ABCC9: variants seen among roughly 807,000 people sequenced by gnomAD.
ABCC9 encodes ATP-binding cassette sub-family C member 9.
ABCC9 carries 95 observed loss-of-function variants against 188.3 expected under a neutral mutation model. That is an observed-to-expected ratio of 0.50 (90% confidence interval 0.43 to 0.60). The LOEUF is 0.60. Among genes scored for constraint, ABCC9 ranks in the 20% least tolerant of loss-of-function variants. The probability of loss-of-function intolerance (pLI) is 0.00; values close to 1 mark genes in which losing one functional copy is unlikely to be tolerated. For synonymous variants in ABCC9, 659 were observed against 652.7 expected (o/e 1.01, Z -0.15); for missense variants, 1,102 against 1,876.3 (o/e 0.59, Z 7.62).
intron 15 of ABCC9, among the ~76,000 whole-genome samples, chr12:21,884,999 G>A (rs965964797): frequency 6.6e-6 from 1 of 152,070 alleles, no homozygotes; most frequent in African/African-American, 2.4e-5. Context: ...GCCCCCACAG[G>A]TCCAAAAGAA....
chr12:21,837,954 G>T, intron 30 of ABCC9, 124 bp downstream of exon 30: 2 of 844,676 alleles, frequency 2.4e-6, no homozygotes, highest in Non-Finnish European at 3.9e-6. Flanking sequence ...TCTTGGTTTA[G>T]TACACCATCA....
chr12:21,882,919 A>C (rs1167589108), intron 15 of ABCC9, 46 bp from the exon 16 acceptor site: 2 of 1,508,868 alleles, frequency 1.3e-6, no homozygotes, highest in African/African-American at 2.7e-5. Context: ...TTTATTAAAA[A>C]AATGAAGTTT....
chr12:21,817,053 C>T, intron 33 of ABCC9, 134 bp downstream of exon 33: 1 of 1,000,044 alleles, frequency 1.0e-6, no homozygotes. Flanking sequence ...CATAATCAAG[C>T]AAAGCCAAGA....
At chr12:21,933,673 C>CA in intron 4 of ABCC9, 109 bp downstream of exon 4, 1 of 1,349,894 alleles carries the variant, frequency 7.4e-7, no homozygotes, top group Non-Finnish European at 1.0e-6. Flanking sequence ...GATCAGAGAG[C>CA]AAAAAATATA....
At chr12:21,832,301 AGC>A (rs1018843982) in intron 30 of ABCC9, among the ~76,000 whole-genome samples, 2 of 152,310 alleles carry the variant, frequency 1.3e-5, no homozygotes, top group Admixed American at 6.5e-5. Flanking sequence ...GGGGAGGAAA[AGC>A]AGCCTCATCA....
At chr12:21,910,597 A>G (rs558649501) in intron 9 of ABCC9, among the ~76,000 whole-genome samples, 10 of 152,074 alleles carry the variant, frequency 6.6e-5, no homozygotes, top group Non-Finnish European at 1.3e-4. Context: ...AGATAAATAA[A>G]TGTAAGATTT....
intron 12 of ABCC9, among the ~76,000 whole-genome samples, chr12:21,903,087 A>G (rs1178298675): frequency 6.6e-6 from 1 of 152,180 alleles, no homozygotes; most frequent in African/African-American, 2.4e-5. Context: ...CAAAAATCTT[A>G]TCCACCATGA....
At chr12:21,831,821 G>C (rs1943775362) in intron 30 of ABCC9, among the ~76,000 whole-genome samples, 1 of 152,168 alleles carries the variant, frequency 6.6e-6, no homozygotes, top group East Asian at 1.9e-4. Flanking sequence ...CTGTGTGATG[G>C]AGAGATTGGA....
At chr12:21,853,629 A>G (rs1232045538) in intron 22 of ABCC9, among the ~76,000 whole-genome samples, 2 of 152,164 alleles carry the variant, frequency 1.3e-5, no homozygotes, top group Non-Finnish European at 2.9e-5. Flanking sequence ...AATTATTTTC[A>G]TATATATTTC....
chr12:21,935,424 T>TAAAGA (rs1949448768), intron 3 of ABCC9, among the ~76,000 whole-genome samples: 1 of 152,166 alleles, frequency 6.6e-6, no homozygotes, highest in African/African-American at 2.4e-5. Context: ...GATGAGTTCT[T>TAAAGA]TAATCCCCCT....
chr12:21,835,263 G>A (rs904087548), intron 30 of ABCC9, among the ~76,000 whole-genome samples: 9 of 152,142 alleles, frequency 5.9e-5, no homozygotes, highest in Non-Finnish European at 1.3e-4. Context: ...CAAAACATCT[G>A]GACACCTAGT....
intron 31 of ABCC9, among the ~76,000 whole-genome samples, chr12:21,819,531 C>T (rs1454369192): frequency 2.0e-5 from 3 of 152,118 alleles, no homozygotes; most frequent in Non-Finnish European, 2.9e-5. Context: ...TGACCTTGCC[C>T]GTTACTAGTT....
In ABCC9 at chr12:21,915,744, G is replaced by A; in HGVS notation, c.740C>T (p.Ala247Val). ...CATTGCTATTGGCAATTTTCCAATTGCCTTCAGATCAATAGGCTTTTTGTG... is the reference window on the plus strand; with the variant it reads ...CATTGCTATTGGCAATTTTCCAATTACCTTCAGATCAATAGGCTTTTTGTG... ...SAHKKPIDLK[A>V]IGKLPIAMRA... The change falls in exon 7 of 40, where the codon GCA becomes GTA. Residue 247 changes from alanine to valine, a missense_variant. Transcript: ENST00000261200. 1 of 1,612,632 alleles carries A rather than the reference G, an allele frequency of 6.2e-7. No individual in the cohort carries two copies. The highest frequency in any genetic ancestry group is 8.5e-7 in the Non-Finnish European group (1 of 1,179,580).
At chr12:21,900,064 G>C (rs1947644190) in intron 12 of ABCC9, among the ~76,000 whole-genome samples, 1 of 152,208 alleles carries the variant, frequency 6.6e-6, no homozygotes, top group Non-Finnish European at 1.5e-5. Context: ...ACCCCCAGTA[G>C]GGGCAGACTG....
Position 21,915,496 on chromosome 12 carries a change from G to GTATATATATATA in ABCC9, c.816+171_816+172insTATATATATATA, listed in dbSNP as rs1308868546. Among the ~76,000 whole-genome samples, 8 of 5,438 alleles carry GTATATATATATA rather than the reference G, an allele frequency of 1.5e-3. 2 individuals carry two copies. Among genetic ancestry groups the GTATATATATATA allele is most frequent in the Non-Finnish European group, 3.1e-3 (8 of 2,588 alleles). The allele number at this position is 5,438 out of a possible 152,430, so 3.6% of individuals were successfully genotyped here. ...TGTATATATGTGTGTGTGTGTGTGT[G>GTATATATATATA]TGTGTATATATATATATATTTTTTT... is the stretch of plus-strand genomic sequence containing the variant. On this transcript the variant is annotated intron_variant, in intron 7 of 39. Transcript: ENST00000261200.
At chr12:21,825,547 A>G (rs2137249178) in intron 31 of ABCC9, among the ~76,000 whole-genome samples, 1 of 152,196 alleles carries the variant, frequency 6.6e-6, no homozygotes, top group African/African-American at 2.4e-5. Flanking sequence ...ACAGGAACAG[A>G]AAACCAAACA....
At chr12:21,919,274 A>G (rs1948715750) in intron 5 of ABCC9, among the ~76,000 whole-genome samples, 1 of 152,092 alleles carries the variant, frequency 6.6e-6, no homozygotes, top group Non-Finnish European at 1.5e-5. Context: ...AATAAAATTG[A>G]TAAGTCCCTA....
At chr12:21,940,652 C>T (rs1449105157) in intron 2 of ABCC9, 58 bp downstream of exon 2, 1 of 152,158 alleles carries the variant, frequency 6.6e-6, no homozygotes, top group Non-Finnish European at 1.5e-5. Flanking sequence ...TCCTTAGATA[C>T]TGCAATGGGA....
intron 30 of ABCC9, among the ~76,000 whole-genome samples, chr12:21,830,071 C>T (rs562388132): frequency 2.0e-5 from 3 of 152,084 alleles, no homozygotes; most frequent in African/African-American, 4.8e-5. Flanking sequence ...TGATATATAT[C>T]GTTTGGATAT....
Sources: gnomAD v4.1 joint callset for allele counts (sites outside exome capture counted in the v4.1 genomes callset) on GRCh38, gnomAD v4.1.1 for gene constraint, MANE v1.5 for transcripts, NCBI Gene and HGNC (gene_info 2026-07-23, HGNC 2026-07-21) for gene names.